Variants in ATE1 observed in about 807,000 individuals in gnomAD.
The protein encoded by ATE1 is arginyl-tRNA--protein transferase 1.
ATE1 carries 36 observed loss-of-function variants against 70.5 expected under a neutral mutation model. The ratio of observed to expected loss-of-function variants is 0.51; its 90% CI spans 0.39 to 0.67. The LOEUF (loss-of-function observed/expected upper bound fraction) is 0.67. Ranked by LOEUF, ATE1 falls within the 30% of genes least tolerant of loss-of-function variation. The probability of loss-of-function intolerance (pLI) is 0.00; values close to 1 mark genes in which losing one functional copy is unlikely to be tolerated. For missense variants in ATE1, 593 were observed against 629.5 expected, an observed-to-expected ratio of 0.94 and a Z score of 0.62; for synonymous variants, 232 against 219.3, an observed-to-expected ratio of 1.06 and a Z score of -0.51.
At chr10:121,807,672 C>T (rs1947151848) in intron 10 of ATE1, among the ~76,000 whole-genome samples, 1 of 152,118 alleles carries the variant, frequency 6.6e-6, no homozygotes, top group African/African-American at 2.4e-5. Flanking sequence ...GCTGAACTAG[C>T]AGCAGAGTAA....
chr10:121,859,227 T>C (rs1456807668), intron 8 of ATE1, among the ~76,000 whole-genome samples: 1 of 152,136 alleles, frequency 6.6e-6, no homozygotes, highest in Non-Finnish European at 1.5e-5. Flanking sequence ...CATTTCTCCC[T>C]ATGAAAGAAA....
intron 7 of ATE1, among the ~76,000 whole-genome samples, chr10:121,888,201 T>G (rs1950465589): frequency 6.6e-6 from 1 of 152,172 alleles, no homozygotes; most frequent in Admixed American, 6.5e-5. Flanking sequence ...GAGACCATCC[T>G]GGCTAACACA....
rs191585187 is a variant in ATE1 at position 121,741,938 on chromosome 10, G to A, written c.*1742C>T. ...TCTTAATGTTCTAACTGCTTACAGT[G>A]TCACTTTTGTTATAATCATAAAATG... is the stretch of plus-strand genomic sequence containing the variant. On this transcript the variant is annotated 3_prime_UTR_variant, in exon 12 of 12. Transcript: ENST00000224652. The A allele has an allele frequency of 6.6e-6, 1 of 152,210 alleles. No homozygotes were observed. The highest frequency in any genetic ancestry group is 6.5e-5 in the Admixed American group (1 of 15,284). 9.4% of individuals were successfully genotyped at this position (152,210 alleles called of 1,614,324 possible).
chr10:121,775,339 G>C (rs1001507922), intron 11 of ATE1, among the ~76,000 whole-genome samples: 15 of 151,930 alleles, frequency 9.9e-5, no homozygotes, highest in Non-Finnish European at 1.3e-4. Context: ...AGGGGAGGGA[G>C]AGCATTAGGG....
At chr10:121,765,218 G>A (rs895023356) in intron 11 of ATE1, among the ~76,000 whole-genome samples, 2 of 152,212 alleles carry the variant, frequency 1.3e-5, no homozygotes, top group East Asian at 1.9e-4. Context: ...GGTAGTGCTG[G>A]CCACAGGCCA....
intron 7 of ATE1, among the ~76,000 whole-genome samples, chr10:121,890,749 T>C (rs1950551462): frequency 6.6e-6 from 1 of 152,196 alleles, no homozygotes; most frequent in Admixed American, 6.5e-5. Context: ...AAATCTCATG[T>C]TTCTATCACA....
chr10:121,770,744 A>AC (rs1390354669), intron 11 of ATE1, among the ~76,000 whole-genome samples: 1 of 151,982 alleles, frequency 6.6e-6, no homozygotes, highest in Non-Finnish European at 1.5e-5. Context: ...TAAAAAAAAA[A>AC]AAAAAAACTC....
chr10:121,867,862 T>C (rs962714283), intron 8 of ATE1, among the ~76,000 whole-genome samples: 4 of 152,256 alleles, frequency 2.6e-5, no homozygotes, highest in Non-Finnish European at 5.9e-5. Context: ...TTCTATCATA[T>C]GGCTGTGTCA....
intron 3 of ATE1, among the ~76,000 whole-genome samples, chr10:121,921,559 T>TTC (rs10694425): frequency 0.91 from 137,273 of 151,614 alleles, 62,296 homozygotes; most frequent in Middle Eastern, 0.96. Context: ...ACTTCAAGTA[T>TTC]TGTTTTATCT....
intron 10 of ATE1, among the ~76,000 whole-genome samples, chr10:121,816,059 C>T (rs967560803): frequency 2.0e-5 from 3 of 152,028 alleles, no homozygotes; most frequent in Non-Finnish European, 4.4e-5. Flanking sequence ...TCAGAATGGG[C>T]GCCTATTCAT....
intron 7 of ATE1, among the ~76,000 whole-genome samples, chr10:121,878,294 T>A (rs1278952394): frequency 6.6e-6 from 1 of 152,092 alleles, no homozygotes; most frequent in South Asian, 2.1e-4. Context: ...TAAGAGCATA[T>A]ACATAAGTAA....
rs148233420 is a variant in ATE1 at position 121,911,054 on chromosome 10, A to T, written c.435T>A (p.Asp145Glu). 5.3e-4 allele frequency: 859 copies of T among 1,613,534 alleles called. 1 individual carries two copies. The highest frequency in any genetic ancestry group is 6.9e-4 in the Non-Finnish European group (816 of 1,179,944). The change falls in exon 5 of 12, where the codon GAT (aspartate) becomes GAA (glutamate). Residue 145 changes from aspartate (D) to glutamate (E), a missense_variant. By Grantham distance (45) the Asp-to-Glu change is conservative. Coordinates refer to ENST00000224652, the MANE Select transcript of ATE1 (RefSeq NM_001001976.3). Reference protein sequence around the residue: ...DIQCDLKTLSDDIKESLESEG... With the variant: ...DIQCDLKTLSEDIKESLESEG... ...CACTCTCTAAACTCTCTTTGATGTC[A>T]TCACTGAGTGTTTTAAGATCACACT...
chr10:121,871,525 T>C (rs780726880), intron 7 of ATE1, among the ~76,000 whole-genome samples: 1 of 152,092 alleles, frequency 6.6e-6, no homozygotes, highest in African/African-American at 2.4e-5. Context: ...GACAAGAGAT[T>C]AGGGTTCATT....
At chr10:121,915,663 G>A (rs922041743) in intron 3 of ATE1, among the ~76,000 whole-genome samples, 8 of 152,074 alleles carry the variant, frequency 5.3e-5, no homozygotes, top group African/African-American at 1.9e-4. Context: ...GCCGAGGCAG[G>A]CGGATCACGA....
At chr10:121,923,384 G>C (rs1377109421) in intron 2 of ATE1, among the ~76,000 whole-genome samples, 1 of 152,170 alleles carries the variant, frequency 6.6e-6, no homozygotes, top group Non-Finnish European at 1.5e-5. Context: ...AGGATCACTT[G>C]AGTGTGGGAA....
intron 7 of ATE1, among the ~76,000 whole-genome samples, chr10:121,893,457 T>C (rs551224443): frequency 2.5e-4 from 38 of 152,202 alleles, no homozygotes; most frequent in Middle Eastern, 6.8e-3. Context: ...GTAAATAAAC[T>C]GGTTAACGTA....
Position 121,821,437 on chromosome 10 carries a change from C to T in ATE1, c.1257+15281G>A, listed in dbSNP as rs181809504. Among the ~76,000 whole-genome samples the T allele has an allele frequency of 1.6e-4, 25 of 152,284 alleles. No individual in the cohort carries two copies. In the East Asian group the frequency reaches 4.8e-3, roughly 29 times the overall value. The stretch of plus-strand genomic sequence containing the variant: ...GGTATCTGGTAAAACACTTATCCAA[C>T]AAAGGATTCTTATCTAGAAAGAACT... On this transcript the variant is annotated intron_variant, in intron 10 of 11. Coordinates refer to ENST00000224652, the MANE Select transcript of ATE1 (RefSeq NM_001001976.3).
chr10:121,770,777 A>C (rs1336325126), intron 11 of ATE1, among the ~76,000 whole-genome samples: 1 of 151,882 alleles, frequency 6.6e-6, no homozygotes, highest in South Asian at 2.1e-4. Flanking sequence ...TTCATTGTTC[A>C]CAATTTCAAA....
chr10:121,881,681 A>AC (rs1371015534), intron 7 of ATE1, among the ~76,000 whole-genome samples: 1 of 151,730 alleles, frequency 6.6e-6, no homozygotes, highest in African/African-American at 2.4e-5. Context: ...AAAAAAAAAA[A>AC]AAAAAAAGGA....
Sources: allele counts gnomAD v4.1 joint callset (sites outside exome capture counted in the v4.1 genomes callset), GRCh38; gene constraint gnomAD v4.1.1; transcripts MANE v1.5; gene names NCBI Gene and HGNC (gene_info 2026-07-23, HGNC 2026-07-21).